WDR26: variants seen among roughly 807,000 people sequenced by gnomAD.
The protein encoded by WDR26 is WD repeat-containing protein 26.
In WDR26, 5 loss-of-function variants were observed where a neutral mutation model predicts 84.1. The observed-to-expected ratio is 0.06, with a 90% CI of 0.03 to 0.13. The LOEUF is 0.13. WDR26 is among the 10% of genes least tolerant of loss of function. WDR26 has a pLI of 1.00. For missense variants in WDR26, 642 were observed against 974.9 expected, an observed-to-expected ratio of 0.66 and a Z score of 4.55; for synonymous variants, 415 against 389.6, an observed-to-expected ratio of 1.07 and a Z score of -0.77.
intron 13 of WDR26, among the ~76,000 whole-genome samples, chr1:224,391,096 A>G (rs1021882613): frequency 3.3e-5 from 5 of 151,824 alleles, no homozygotes; most frequent in Non-Finnish European, 5.9e-5. Context: ...AAAAAAAAAA[A>G]TATCATGCCT....
chr1:224,396,654 G>A (rs1358902405), intron 12 of WDR26, among the ~76,000 whole-genome samples: 1 of 152,134 alleles, frequency 6.6e-6, no homozygotes, highest in Non-Finnish European at 1.5e-5. Context: ...ATTTTCGGTA[G>A]AAAGAAAGAA....
Position 224,393,848 on chromosome 1 carries a change from A to G in WDR26, c.2240T>C (p.Ile747Thr). ...ATTACCTTCAATATTCTGGTGGTCT[A>G]TAAAAGGTGCTGGTCCCCATATTCT... is the stretch of plus-strand genomic sequence containing the variant. The change falls in exon 13 of 14, where the codon ATA (isoleucine) becomes ACA (threonine). Residue 747 changes from isoleucine (I) to threonine (T), a missense_variant. Physicochemically the swap from Ile to Thr is moderately conservative, Grantham distance 89. Coordinates refer to ENST00000414423, the MANE Select transcript of WDR26 (RefSeq NM_001379403.1). 1 of 1,549,254 alleles carries G rather than the reference A, an allele frequency of 6.5e-7. No individual in the cohort carries two copies. Among genetic ancestry groups the G allele is most frequent in the South Asian group, 1.2e-5 (1 of 85,024 alleles).
rs1456360387 is a variant in WDR26 at position 224,389,377 on chromosome 1, G to A, written c.*458C>T. 2 of 301,880 alleles carry A rather than the reference G, an allele frequency of 6.6e-6. No homozygotes were observed. Among genetic ancestry groups the A allele is most frequent in the African/African-American group, 4.3e-5 (2 of 46,298 alleles). 18.7% of individuals were successfully genotyped at this position (301,880 alleles called of 1,614,324 possible). On this transcript the variant is annotated 3_prime_UTR_variant, in exon 14 of 14. Coordinates refer to ENST00000414423, the MANE Select transcript of WDR26 (RefSeq NM_001379403.1). ...GGCGGAAAGATTTGGAGAAACAAAA[G>A]AAGGAAATTCTTTCCTATCCAATGT...
chr1:224,413,218 C>A (rs10916613), intron 6 of WDR26: 836,783 of 845,742 alleles, frequency 0.99, 413,995 homozygotes, highest in East Asian at 1. Flanking sequence ...CCCCCCCCCC[C>A]AAAAAAAACG....
At position 224,434,232 on chromosome 1, in the gene WDR26, G is replaced by C. The variant is rs35365551; in HGVS notation, c.174C>G (p.Ser58=). Residue 58 remains serine, a synonymous_variant, in exon 1 of 14, where the codon TCC becomes TCG. Transcript: ENST00000414423. ...AGGAGGAGGAGGAGGAGGAGGACGA[G>C]GACGACGAGGACGGAGGGGAGAGGC... is the stretch of plus-strand genomic sequence containing the variant. The C allele has an allele frequency of 0.2, 276,144 of 1,370,092 alleles. 29,203 individuals carry two copies. The highest frequency in any genetic ancestry group is 0.24 in the Middle Eastern group (877 of 3,716). The allele number at this position is 1,370,092 out of a possible 1,614,324, so 84.9% of individuals were successfully genotyped here.
chr1:224,421,302 G>A (rs1485468876), intron 4 of WDR26, among the ~76,000 whole-genome samples: 1 of 152,124 alleles, frequency 6.6e-6, no homozygotes, highest in Non-Finnish European at 1.5e-5. Flanking sequence ...ATCAGATACC[G>A]CATTAAAAAG....
rs1455574063 is a variant in WDR26 at position 224,389,540 on chromosome 1, A to G, written c.*295T>C. ...TGCCAGACAAAAGACAGGAAGGAAAAAAATATATATACTGAGTTCAATGGG... is the reference window on the plus strand; with the variant it reads ...TGCCAGACAAAAGACAGGAAGGAAAGAAATATATATACTGAGTTCAATGGG... On this transcript the variant is annotated 3_prime_UTR_variant, in exon 14 of 14. Coordinates refer to ENST00000414423, the MANE Select transcript of WDR26 (RefSeq NM_001379403.1). 3.9e-6 allele frequency: 2 copies of G among 514,454 alleles called. No individual in the cohort carries two copies. The highest frequency in any genetic ancestry group is 4.1e-5 in the African/African-American group (2 of 49,378). 31.9% of individuals were successfully genotyped at this position (514,454 alleles called of 1,614,324 possible). A position where few individuals can be genotyped will look rare whatever the true frequency, so the allele number is the denominator to read the frequency against.
chr1:224,397,101 G>A (rs1184563057), intron 12 of WDR26, among the ~76,000 whole-genome samples: 1 of 152,038 alleles, frequency 6.6e-6, no homozygotes. Context: ...TACAATAAAT[G>A]GAACATAACA....
At chr1:224,418,038 C>T (rs916213526) in intron 6 of WDR26, among the ~76,000 whole-genome samples, 1 of 152,076 alleles carries the variant, frequency 6.6e-6, no homozygotes, top group Non-Finnish European at 1.5e-5. Context: ...CTATAGATAA[C>T]GAAAAACTGG....
intron 6 of WDR26, among the ~76,000 whole-genome samples, chr1:224,417,617 G>T (rs1322119379): frequency 6.6e-6 from 1 of 152,136 alleles, no homozygotes; most frequent in Non-Finnish European, 1.5e-5. Context: ...GAGGTGAGTG[G>T]ATCACTTGAG....
chr1:224,398,161 C>G lies in WDR26; in HGVS notation c.2010G>C (p.Gly670=), dbSNP rs1373949714. ...CAAAACATGAATGAATTGTATAAAACCCTTGTGTAACACCTTGATACTTTC... is the reference window on the plus strand; with the variant it reads ...CAAAACATGAATGAATTGTATAAAAGCCTTGTGTAACACCTTGATACTTTC... The change falls in exon 12 of 14, where the codon GGG becomes GGC. Residue 670 remains glycine (G), a synonymous_variant. Coordinates refer to ENST00000414423, the MANE Select transcript of WDR26 (RefSeq NM_001379403.1). 1 of 1,613,514 alleles carries G rather than the reference C, an allele frequency of 6.2e-7. No homozygotes were observed. Among genetic ancestry groups the G allele is most frequent in the African/African-American group, 1.3e-5 (1 of 74,874 alleles).
In WDR26 at chr1:224,424,668, A is replaced by G; in HGVS notation, c.928-14T>C. ...AAACTTCATCCTCTGACATGACAGA[A>G]AGCAGCAGTCAGGGGAAAAAAGTTG... On this transcript the variant is annotated splice_polypyrimidine_tract_variant and intron_variant, in intron 3 of 13. Transcript: ENST00000414423. 1 of 1,614,168 alleles carries G rather than the reference A, an allele frequency of 6.2e-7. No homozygotes were observed. Among genetic ancestry groups the G allele is most frequent in the South Asian group, 1.1e-5 (1 of 91,084 alleles).
chr1:224,402,060 A>G (rs1673435649), intron 8 of WDR26: 1 of 152,202 alleles, frequency 6.6e-6, no homozygotes. Flanking sequence ...GATCTGAGAG[A>G]TAATAGCTGC....
At chr1:224,430,610 A>G (rs1674364176) in intron 3 of WDR26, 1 of 152,216 alleles carries the variant, frequency 6.6e-6, no homozygotes, top group Admixed American at 6.5e-5. Flanking sequence ...CTAATATTTA[A>G]CAAACAGCTG....
intron 3 of WDR26, among the ~76,000 whole-genome samples, chr1:224,424,957 T>G (rs1484420696): frequency 1.3e-5 from 2 of 152,222 alleles, no homozygotes; most frequent in Non-Finnish European, 2.9e-5. Flanking sequence ...AGCAATCTCC[T>G]ACAATTGTAG....
At chr1:224,419,402 T>A in intron 5 of WDR26, 116 bp downstream of exon 5, 1 of 818,684 alleles carries the variant, frequency 1.2e-6, no homozygotes, top group Middle Eastern at 2.6e-4. Context: ...TTCTCCCTCT[T>A]CTAAGCACTC....
chr1:224,422,127 G>A (rs1199682176), intron 4 of WDR26, among the ~76,000 whole-genome samples: 4 of 152,168 alleles, frequency 2.6e-5, no homozygotes, highest in African/African-American at 9.6e-5. Flanking sequence ...GCTTGGGCTG[G>A]GAGCTGAGCA....
intron 10 of WDR26, 68 bp downstream of exon 10, chr1:224,398,821 G>A: frequency 6.3e-7 from 1 of 1,581,462 alleles, no homozygotes; most frequent in Non-Finnish European, 8.6e-7. Context: ...CTGTGAAAAG[G>A]CAAGTTCCAC....
At chr1:224,398,696 G>A in intron 10 of WDR26, 103 bp from the exon 11 acceptor site, 1 of 1,232,438 alleles carries the variant, frequency 8.1e-7, no homozygotes, top group Non-Finnish European at 1.1e-6. Context: ...AATTTTGCCT[G>A]CAATCACTAT....
Sources: allele counts gnomAD v4.1 joint callset (sites outside exome capture counted in the v4.1 genomes callset), GRCh38; gene constraint gnomAD v4.1.1; transcripts MANE v1.5; gene names NCBI Gene and HGNC (gene_info 2026-07-23, HGNC 2026-07-21).